The following C3orf80 variants were observed in gnomAD, a reference collection of about 807,000 sequenced individuals.
C3orf80 encodes uncharacterized membrane protein C3orf80.
C3orf80 carries 10 observed loss-of-function variants against 15.8 expected under a neutral mutation model. The ratio of observed to expected loss-of-function variants is 0.63; its 90% CI spans 0.39 to 1.07. The LOEUF (loss-of-function observed/expected upper bound fraction) is 1.07, where lower values mean the gene tolerates loss of function less well. Among genes scored for constraint, C3orf80 ranks in the 50% least tolerant of loss-of-function variants. The probability of loss-of-function intolerance (pLI) is 0.01; values close to 1 mark genes in which losing one functional copy is unlikely to be tolerated. For synonymous variants in C3orf80, 183 were observed against 192.0 expected (o/e 0.95, Z 0.39); for missense variants, 364 against 379.3 (o/e 0.96, Z 0.34).
Position 160,226,347 on chromosome 3 carries a change from G to C in C3orf80, c.712G>C (p.Asp238His). 6.7e-7 allele frequency: 1 copy of C among 1,495,424 alleles called. No individual in the cohort carries two copies. Among genetic ancestry groups the C allele is most frequent in the Non-Finnish European group, 8.9e-7 (1 of 1,127,472 alleles). The allele number at this position is 1,495,424 out of a possible 1,614,324, so 92.6% of individuals were successfully genotyped here. A position where few individuals can be genotyped will look rare whatever the true frequency, so the allele number is the denominator to read the frequency against. The change falls in exon 1 of 1, where the codon GAC becomes CAC. Residue 238 changes from aspartate to histidine, a missense_variant. Transcript: ENST00000326474. This position sits in a 1 kb window ranked among gnomAD's most constrained non-coding sequence, Gnocchi z 5.2. ...TCGAGGCGGGGTCGCCGCGGAGCCC[G>C]ACGGCGGCGAGGGCCGCTACCCTCT... is the stretch of plus-strand genomic sequence containing the variant. Reference protein sequence around the residue: ...RPRGGVAAEPDGGEGRYPLI With the variant: ...RPRGGVAAEPHGGEGRYPLI
Position 160,225,576 on chromosome 3 carries a change from C to T in C3orf80, c.-60C>T. On this transcript the variant is annotated 5_prime_UTR_variant, in exon 1 of 1. Transcript: ENST00000326474. The surrounding 1 kb of genome is among the most constrained non-coding windows in gnomAD (Gnocchi z 5.6). ...AGCGCCGGGGAGGGGCCGACGGACG[C>T]GAGGGCGGACGGACTCCCCAGCCTC... 1 of 1,257,782 alleles carries T rather than the reference C, an allele frequency of 8.0e-7. No homozygotes were observed. The highest frequency in any genetic ancestry group is 1.0e-6 in the Non-Finnish European group (1 of 1,003,952). 77.9% of individuals were successfully genotyped at this position (1,257,782 alleles called of 1,614,324 possible).
In C3orf80 at chr3:160,225,663, G is replaced by C; in HGVS notation, c.28G>C (p.Gly10Arg). 1 of 1,397,294 alleles carries C rather than the reference G, an allele frequency of 7.2e-7. No individual in the cohort carries two copies. The highest frequency in any genetic ancestry group is 1.6e-5 in the South Asian group (1 of 62,988). The allele number at this position is 1,397,294 out of a possible 1,614,324, so 86.6% of individuals were successfully genotyped here. ...GTGGGGACCCGGGGTCACTGCTGAG[G>C]GCCTGTCGGTGGCTCCGGCGCCGCC... MWGPGVTAE[G>R]LSVAPAPPPL... The change falls in exon 1 of 1, where the codon GGC (glycine) becomes CGC (arginine). Residue 10 changes from glycine to arginine, a missense_variant. Gly to Arg is a moderately radical substitution (Grantham distance 125). Coordinates refer to ENST00000326474, the MANE Select transcript of C3orf80 (RefSeq NM_001168214.2). This position sits in a 1 kb window ranked among gnomAD's most constrained non-coding sequence, Gnocchi z 5.6.
rs1273520720 is a variant in C3orf80, at chr3:160,226,481, G to GCCTAACTGCCCGGCACCCCGC, written c.*103_*123dup. The GCCTAACTGCCCGGCACCCCGC allele has an allele frequency of 8.0e-7, 1 of 1,253,254 alleles. No individual in the cohort carries two copies. Among genetic ancestry groups the GCCTAACTGCCCGGCACCCCGC allele is most frequent in the Admixed American group, 3.9e-5 (1 of 25,758 alleles). The allele number at this position is 1,253,254 out of a possible 1,614,324, so 77.6% of individuals were successfully genotyped here. A position where few individuals can be genotyped will look rare whatever the true frequency, so the allele number is the denominator to read the frequency against. On this transcript the variant is annotated 3_prime_UTR_variant, in exon 1 of 1. Transcript: ENST00000326474. The surrounding 1 kb of genome is among the most constrained non-coding windows in gnomAD (Gnocchi z 5.2). The stretch of plus-strand genomic sequence containing the variant: ...GCCTCAGACCTTATCTGGCACCCTG[G>GCCTAACTGCCCGGCACCCCGC]CCTAACTGCCCGGCACCCCGCGACT...
Position 160,225,731 on chromosome 3 carries a change from G to A in C3orf80, c.96G>A (p.Val32=). The A allele has an allele frequency of 7.3e-7, 1 of 1,362,726 alleles. No individual in the cohort carries two copies. The highest frequency in any genetic ancestry group is 1.8e-5 in the South Asian group (1 of 55,332). The allele number at this position is 1,362,726 out of a possible 1,614,324, so 84.4% of individuals were successfully genotyped here. Residue 32 remains valine, a synonymous_variant, in exon 1 of 1, where the codon GTG becomes GTA. Transcript: ENST00000326474. This position sits in a 1 kb window ranked among gnomAD's most constrained non-coding sequence, Gnocchi z 5.6. ...TGCTACTGCTGGCGCTGGCGCTGGT[G>A]GCGCCCTCGCGGGGCGGCGGGGGCT... ...PLLLLLALAL[V]APSRGGGGCA...
At position 160,226,716 on chromosome 3, in the gene C3orf80, G is replaced by T. The variant is rs1711501046; in HGVS notation, c.*337G>T. On this transcript the variant is annotated 3_prime_UTR_variant, in exon 1 of 1. Coordinates refer to ENST00000326474, the MANE Select transcript of C3orf80 (RefSeq NM_001168214.2). This position sits in a 1 kb window ranked among gnomAD's most constrained non-coding sequence, Gnocchi z 5.2. ...CTGCTTCCCTAGTCAAAGAGAACAC[G>T]TGAGCCCTTTGGTGCGTCGAGAGAA... The T allele has an allele frequency of 3.8e-6, 1 of 265,216 alleles. No individual in the cohort carries two copies. The highest frequency in any genetic ancestry group is 2.2e-5 in the African/African-American group (1 of 45,444). 16.4% of individuals were successfully genotyped at this position (265,216 alleles called of 1,614,324 possible). A position where few individuals can be genotyped will look rare whatever the true frequency, so the allele number is the denominator to read the frequency against.
Position 160,226,144 on chromosome 3 carries a change from G to A in C3orf80, c.509G>A (p.Gly170Asp). The A allele has an allele frequency of 6.6e-7, 1 of 1,521,496 alleles. No individual in the cohort carries two copies. The highest frequency in any genetic ancestry group is 8.8e-7 in the Non-Finnish European group (1 of 1,140,906). The allele number at this position is 1,521,496 out of a possible 1,614,324, so 94.2% of individuals were successfully genotyped here. The change falls in exon 1 of 1, where the codon GGC becomes GAC. Residue 170 changes from glycine (G) to aspartate (D), a missense_variant. Gly to Asp is a moderately conservative substitution (Grantham distance 94). Coordinates refer to ENST00000326474, the MANE Select transcript of C3orf80 (RefSeq NM_001168214.2). This position sits in a 1 kb window ranked among gnomAD's most constrained non-coding sequence, Gnocchi z 5.2. Reference protein sequence around the residue: ...SGGGGRGRGGGGRSDPSCASE... With the variant: ...SGGGGRGRGGDGRSDPSCASE... Reference sequence around the variant, plus strand: ...GGCGGCGGCCGGGGCCGGGGAGGCGGCGGGCGCTCGGACCCCTCCTGCGCC... The same window carrying A: ...GGCGGCGGCCGGGGCCGGGGAGGCGACGGGCGCTCGGACCCCTCCTGCGCC...
At position 160,226,208 on chromosome 3, in the gene C3orf80, G is replaced by A. The variant is rs902599781; in HGVS notation, c.573G>A (p.Leu191=). Residue 191 remains leucine, a synonymous_variant, in exon 1 of 1, where the codon CTG becomes CTA. Coordinates refer to ENST00000326474, the MANE Select transcript of C3orf80 (RefSeq NM_001168214.2). This position sits in a 1 kb window ranked among gnomAD's most constrained non-coding sequence, Gnocchi z 5.2. The part of the protein sequence containing the change: ...HEMRVVSPVF[L]QLPSYEEVKY... ...TGCGTGTAGTGTCGCCGGTCTTCCT[G>A]CAGCTGCCCAGCTACGAGGAGGTCA... 1 of 1,530,666 alleles carries A rather than the reference G, an allele frequency of 6.5e-7. No homozygotes were observed. The highest frequency in any genetic ancestry group is 1.4e-5 in the African/African-American group (1 of 71,944). 94.8% of individuals were successfully genotyped at this position (1,530,666 alleles called of 1,614,324 possible).
At position 160,227,694 on chromosome 3, in the gene C3orf80, T is replaced by C. The variant is rs1179864904; in HGVS notation, c.*1315T>C. The C allele has an allele frequency of 6.6e-6, 1 of 152,242 alleles. No homozygotes were observed. The highest frequency in any genetic ancestry group is 2.4e-5 in the African/African-American group (1 of 41,468). The allele number at this position is 152,242 out of a possible 1,614,324, so 9.4% of individuals were successfully genotyped here. ...GCTTCTCTTAAGAAACAAGTGTCATTGTATCAGTTTCCTGTTCTGTGACAC... is the reference window on the plus strand; with the variant it reads ...GCTTCTCTTAAGAAACAAGTGTCATCGTATCAGTTTCCTGTTCTGTGACAC... On this transcript the variant is annotated 3_prime_UTR_variant, in exon 1 of 1. Transcript: ENST00000326474.
rs1463219631 is a variant in C3orf80 at position 160,228,179 on chromosome 3, C to G, written c.*1800C>G. The G allele has an allele frequency of 6.6e-6, 1 of 151,986 alleles. No homozygotes were observed. The highest frequency in any genetic ancestry group is 1.5e-5 in the Non-Finnish European group (1 of 67,934). 9.4% of individuals were successfully genotyped at this position (151,986 alleles called of 1,614,324 possible). The stretch of plus-strand genomic sequence containing the variant: ...TCATTTGAAGTGTATTAAAAAATAG[C>G]AAAACATTAAAATCTTTTCTCTGTG... On this transcript the variant is annotated 3_prime_UTR_variant, in exon 1 of 1. Transcript: ENST00000326474.
chr3:160,226,290 G>A lies in C3orf80; in HGVS notation c.655G>A (p.Val219Ile), dbSNP rs2108169589. Residue 219 changes from valine to isoleucine, a missense_variant, in exon 1 of 1, where the codon GTC (valine) becomes ATC (isoleucine). Val to Ile is a conservative substitution (Grantham distance 29, BLOSUM62 3). Coordinates refer to ENST00000326474, the MANE Select transcript of C3orf80 (RefSeq NM_001168214.2). The surrounding 1 kb of genome is among the most constrained non-coding windows in gnomAD (Gnocchi z 5.2). ...MRLQQLSPGE[V>I]VLPVSVLGRP... ...GCTGCAGCAGCTCAGCCCCGGGGAG[G>A]TCGTGCTGCCAGTGTCGGTGCTTGG... The A allele has an allele frequency of 3.3e-6, 5 of 1,518,922 alleles. No homozygotes were observed. Among genetic ancestry groups the A allele is most frequent in the African/African-American group, 1.4e-5 (1 of 70,826 alleles). 94.1% of individuals were successfully genotyped at this position (1,518,922 alleles called of 1,614,324 possible).
rs1255176392 is a variant in C3orf80, at chr3:160,226,369, CTCTTA to C, written c.738_742del (p.Ile247SerfsTer36). 8 of 1,464,316 alleles carry C rather than the reference CTCTTA, an allele frequency of 5.5e-6. No individual in the cohort carries two copies. The East Asian group carries it at 2.2e-4, about 40-fold the overall frequency. 90.7% of individuals were successfully genotyped at this position (1,464,316 alleles called of 1,614,324 possible). A position where few individuals can be genotyped will look rare whatever the true frequency, so the allele number is the denominator to read the frequency against. ...CCCGACGGCGGCGAGGGCCGCTACCCTCTTATCTGAGCGCTCGGGGATCGGCGGCT... is the reference window on the plus strand; with the variant it reads ...CCCGACGGCGGCGAGGGCCGCTACCCTCTGAGCGCTCGGGGATCGGCGGCT... On this transcript the variant is annotated frameshift_variant, in exon 1 of 1. Transcript: ENST00000326474. LOFTEE classifies it high-confidence loss of function. The surrounding 1 kb of genome is among the most constrained non-coding windows in gnomAD (Gnocchi z 5.2).
At position 160,225,817 on chromosome 3, in the gene C3orf80, T is replaced by TGCGCTGCTGCAAGCTG; in HGVS notation, c.183_198dup (p.Pro67AlafsTer223). On this transcript the variant is annotated frameshift_variant, in exon 1 of 1. Transcript: ENST00000326474. LOFTEE classifies it high-confidence loss of function. This position sits in a 1 kb window ranked among gnomAD's most constrained non-coding sequence, Gnocchi z 5.6. ...TGCGACGCGACCAACGCCACGGCGG[T>TGCGCTGCTGCAAGCTG]GCGCTGCTGCAAGCTGCCGCTGCAC... The TGCGCTGCTGCAAGCTG allele has an allele frequency of 6.8e-7, 1 of 1,479,208 alleles. No homozygotes were observed. Among genetic ancestry groups the TGCGCTGCTGCAAGCTG allele is most frequent in the Non-Finnish European group, 8.9e-7 (1 of 1,120,036 alleles). 91.6% of individuals were successfully genotyped at this position (1,479,208 alleles called of 1,614,324 possible).
Position 160,226,089 on chromosome 3 carries a change from G to T in C3orf80, c.454G>T (p.Gly152Cys). The T allele has an allele frequency of 3.4e-6, 5 of 1,467,790 alleles. No homozygotes were observed. Among genetic ancestry groups the T allele is most frequent in the Non-Finnish European group, 4.5e-6 (5 of 1,116,066 alleles). The allele number at this position is 1,467,790 out of a possible 1,614,324, so 90.9% of individuals were successfully genotyped here. A position where few individuals can be genotyped will look rare whatever the true frequency, so the allele number is the denominator to read the frequency against. ...TCTGCTGCGCGACGAGGCGGCAGCC[G>T]GCTCTCAGGACTCACTGCTGGACAG... ...PALLRDEAAAGSQDSLLDSGG... is the reference protein window; with the variant it reads ...PALLRDEAAACSQDSLLDSGG... Residue 152 changes from glycine (G) to cysteine (C), a missense_variant, in exon 1 of 1, where the codon GGC (glycine) becomes TGC (cysteine). Physicochemically the swap from Gly to Cys is radical, Grantham distance 159. Transcript: ENST00000326474. The surrounding 1 kb of genome is among the most constrained non-coding windows in gnomAD (Gnocchi z 5.2).
rs1279512484 is a variant in C3orf80, at chr3:160,227,213, C to G, written c.*834C>G. On this transcript the variant is annotated 3_prime_UTR_variant, in exon 1 of 1. Coordinates refer to ENST00000326474, the MANE Select transcript of C3orf80 (RefSeq NM_001168214.2). ...TTCAGCAAATTCACGACAAGGTAATCGTCTTATCACTTTTTGTAGGCCATT... is the reference window on the plus strand; with the variant it reads ...TTCAGCAAATTCACGACAAGGTAATGGTCTTATCACTTTTTGTAGGCCATT... 1 of 152,096 alleles carries G rather than the reference C, an allele frequency of 6.6e-6. No homozygotes were observed. The highest frequency in any genetic ancestry group is 1.5e-5 in the Non-Finnish European group (1 of 68,026). 9.4% of individuals were successfully genotyped at this position (152,096 alleles called of 1,614,324 possible). A position where few individuals can be genotyped will look rare whatever the true frequency, so the allele number is the denominator to read the frequency against.
rs185340430 is a variant in C3orf80, at chr3:160,226,355, C to T, written c.720C>T (p.Gly240=). 2.9e-3 allele frequency: 4,258 copies of T among 1,489,800 alleles called. 46 individuals carry two copies. In the African/African-American group the frequency reaches 0.029, roughly 10 times the overall value. The allele number at this position is 1,489,800 out of a possible 1,614,324, so 92.3% of individuals were successfully genotyped here. A position where few individuals can be genotyped will look rare whatever the true frequency, so the allele number is the denominator to read the frequency against. ...GGGTCGCCGCGGAGCCCGACGGCGG[C>T]GAGGGCCGCTACCCTCTTATCTGAG... is the stretch of plus-strand genomic sequence containing the variant. ...RGGVAAEPDG[G]EGRYPLI The change falls in exon 1 of 1, where the codon GGC becomes GGT. Residue 240 remains glycine (G), a synonymous_variant. Coordinates refer to ENST00000326474, the MANE Select transcript of C3orf80 (RefSeq NM_001168214.2). The surrounding 1 kb of genome is among the most constrained non-coding windows in gnomAD (Gnocchi z 5.2).
chr3:160,227,356 T>C lies in C3orf80; in HGVS notation c.*977T>C, dbSNP rs532718589. The C allele has an allele frequency of 9.2e-4, 140 of 152,302 alleles. 1 individual carries two copies. Among genetic ancestry groups the C allele is most frequent in the Admixed American group, 2.7e-3 (42 of 15,298 alleles). 9.4% of individuals were successfully genotyped at this position (152,302 alleles called of 1,614,324 possible). A position where few individuals can be genotyped will look rare whatever the true frequency, so the allele number is the denominator to read the frequency against. On this transcript the variant is annotated 3_prime_UTR_variant, in exon 1 of 1. Coordinates refer to ENST00000326474, the MANE Select transcript of C3orf80 (RefSeq NM_001168214.2). ...GGAAGCATATGTGACATAAAAAACA[T>C]GAAGGATATCTTATTTTCACTATTT...
Position 160,225,586 on chromosome 3 carries a change from C to T in C3orf80, c.-50C>T. 2 of 1,265,144 alleles carry T rather than the reference C, an allele frequency of 1.6e-6. No homozygotes were observed. The highest frequency in any genetic ancestry group is 2.0e-6 in the Non-Finnish European group (2 of 1,008,822). The allele number at this position is 1,265,144 out of a possible 1,614,324, so 78.4% of individuals were successfully genotyped here. A position where few individuals can be genotyped will look rare whatever the true frequency, so the allele number is the denominator to read the frequency against. On this transcript the variant is annotated 5_prime_UTR_variant, in exon 1 of 1. In the 5' UTR this introduces an upstream ATG that the reference lacks. Transcript: ENST00000326474. This position sits in a 1 kb window ranked among gnomAD's most constrained non-coding sequence, Gnocchi z 5.6. Reference sequence around the variant, plus strand: ...AGGGGCCGACGGACGCGAGGGCGGACGGACTCCCCAGCCTCCCGTCCCGGA... The same window carrying T: ...AGGGGCCGACGGACGCGAGGGCGGATGGACTCCCCAGCCTCCCGTCCCGGA...
chr3:160,226,124 C>CGGCCGG lies in C3orf80; in HGVS notation c.498_503dup (p.Arg167_Gly168dup), dbSNP rs1559896135. On this transcript the variant is annotated inframe_insertion, in exon 1 of 1. Coordinates refer to ENST00000326474, the MANE Select transcript of C3orf80 (RefSeq NM_001168214.2). This position sits in a 1 kb window ranked among gnomAD's most constrained non-coding sequence, Gnocchi z 5.2. ...ACTCACTGCTGGACAGTGGCGGCGG[C>CGGCCGG]GGCCGGGGCCGGGGAGGCGGCGGGC... The CGGCCGG allele has an allele frequency of 7.3e-6, 11 of 1,517,128 alleles. No individual in the cohort carries two copies. The highest frequency in any genetic ancestry group is 1.2e-5 in the South Asian group (1 of 82,238). 94.0% of individuals were successfully genotyped at this position (1,517,128 alleles called of 1,614,324 possible). A position where few individuals can be genotyped will look rare whatever the true frequency, so the allele number is the denominator to read the frequency against.
rs1725649348 is a variant in C3orf80, at chr3:160,225,595, C to T, written c.-41C>T. 7.8e-7 allele frequency: 1 copy of T among 1,282,364 alleles called. No homozygotes were observed. The highest frequency in any genetic ancestry group is 9.8e-7 in the Non-Finnish European group (1 of 1,019,548). 79.4% of individuals were successfully genotyped at this position (1,282,364 alleles called of 1,614,324 possible). ...CGGACGCGAGGGCGGACGGACTCCC[C>T]AGCCTCCCGTCCCGGACGTTAGCCG... On this transcript the variant is annotated 5_prime_UTR_variant, in exon 1 of 1. Coordinates refer to ENST00000326474, the MANE Select transcript of C3orf80 (RefSeq NM_001168214.2). This position sits in a 1 kb window ranked among gnomAD's most constrained non-coding sequence, Gnocchi z 5.6.
Sources: gnomAD v4.1 joint callset for allele counts on GRCh38, gnomAD v4.1.1 for gene constraint, Gnocchi (gnomAD v3.1) non-coding constraint, MANE v1.5 for transcripts, NCBI Gene and HGNC (gene_info 2026-07-23, HGNC 2026-07-21) for gene names.